KIAA1671: variants seen among roughly 807,000 people sequenced by gnomAD.
The protein encoded by KIAA1671 is uncharacterized protein KIAA1671.
Under a neutral mutation model 131.2 loss-of-function variants are expected in KIAA1671, and 52 were observed. The ratio of observed to expected loss-of-function variants is 0.40; its 90% CI spans 0.32 to 0.50. The LOEUF (loss-of-function observed/expected upper bound fraction) is 0.50, where lower values mean the gene tolerates loss of function less well. KIAA1671 is among the 20% of genes least tolerant of loss of function. KIAA1671 has a pLI of 0.73. For missense variants in KIAA1671, 2,360 were observed against 2,364.2 expected (o/e 1.00, Z 0.04); for synonymous variants, 1,003 against 961.6 (o/e 1.04, Z -0.80).
rs946346452 is a variant in KIAA1671, at chr22:25,020,244, A to G, written c.-207-5389A>G. On this transcript the variant is annotated intron_variant, in intron 1 of 12. Transcript: ENST00000358431. Reference sequence around the variant, plus strand: ...TTTCTCATCTGTTAGAATGGTGGTAATTAATCATTTGAACAGCACAAGTTG... The same window carrying G: ...TTTCTCATCTGTTAGAATGGTGGTAGTTAATCATTTGAACAGCACAAGTTG... Among the ~76,000 whole-genome samples, 12 of 152,236 alleles carry G rather than the reference A, an allele frequency of 7.9e-5. No homozygotes were observed. The East Asian group carries it at 1.5e-3, about 20-fold the overall frequency.
At chr22:25,153,850 C>T (rs1458651225) in intron 6 of KIAA1671, among the ~76,000 whole-genome samples, 3 of 152,250 alleles carry the variant, frequency 2.0e-5, no homozygotes, top group Non-Finnish European at 4.4e-5. Flanking sequence ...GCTGCACAAG[C>T]TTCTAAGTGC....
At chr22:24,976,415 C>T (rs913862311) in intron 1 of KIAA1671, among the ~76,000 whole-genome samples, 7 of 152,224 alleles carry the variant, frequency 4.6e-5, no homozygotes, top group Non-Finnish European at 2.9e-5. Context: ...TTCCCAGTTC[C>T]TGTTTCTTTC....
chr22:25,164,978 C>CGTGTGTGTGTGTGTGTGTGT (rs59765745), intron 6 of KIAA1671, among the ~76,000 whole-genome samples: 3 of 116,584 alleles, frequency 2.6e-5, no homozygotes, highest in East Asian at 2.6e-4. Context: ...GAGTTGCAGG[C>CGTGTGTGTGTGTGTGTGTGT]GTGTGTGTGT....
intron 1 of KIAA1671, among the ~76,000 whole-genome samples, chr22:25,020,951 C>T (rs1925635297): frequency 6.6e-6 from 1 of 152,052 alleles, no homozygotes; most frequent in African/African-American, 2.4e-5. Flanking sequence ...GACACGGGGG[C>T]GTTAAGCAGG....
At chr22:24,989,161 C>T (rs1602048319) in intron 1 of KIAA1671, among the ~76,000 whole-genome samples, 1 of 152,190 alleles carries the variant, frequency 6.6e-6, no homozygotes, top group Admixed American at 6.5e-5. Context: ...GTCTTCCTCT[C>T]ACCCTTGTGT....
intron 1 of KIAA1671, among the ~76,000 whole-genome samples, chr22:24,979,170 A>ATTTTTTTTTTT (rs71191010): frequency 1.2e-5 from 1 of 81,702 alleles, no homozygotes; most frequent in Non-Finnish European, 2.2e-5. Context: ...TAATTTTTGT[A>ATTTTTTTTTTT]TTTTTTTTTT....
intron 1 of KIAA1671, among the ~76,000 whole-genome samples, chr22:24,967,806 C>T (rs1922377463): frequency 6.6e-6 from 1 of 152,196 alleles, no homozygotes; most frequent in African/African-American, 2.4e-5. Context: ...TCCTGGCTAA[C>T]ACGGTGAAAC....
chr22:25,177,454 G>A lies in KIAA1671; in HGVS notation c.5006G>A (p.Ser1669Asn). 1 of 1,551,760 alleles carries A rather than the reference G, an allele frequency of 6.4e-7. No homozygotes were observed. Among genetic ancestry groups the A allele is most frequent in the Admixed American group, 2.0e-5 (1 of 51,006 alleles). Residue 1669 changes from serine (S) to asparagine (N), a missense_variant, in exon 9 of 13, where the codon AGT becomes AAT. By Grantham distance (46) the Ser-to-Asn change is conservative. Around this residue, in one of 3 missense-constraint regions of KIAA1671, gnomAD observed 1,161 missense variants for 1,204.7 expected, o/e 0.96. Coordinates refer to ENST00000358431, the MANE Select transcript of KIAA1671 (RefSeq NM_001145206.2). ...CACTCCCTCCGGCGCAGCCGATTTA[G>A]TGAGTCCGAGAGCAGATCACCTTTG... Reference protein sequence around the residue: ...ISHSLRRSRFSESESRSPLED... With the variant: ...ISHSLRRSRFNESESRSPLED...
At chr22:25,161,412 G>C (rs772673327) in intron 6 of KIAA1671, among the ~76,000 whole-genome samples, 4 of 152,274 alleles carry the variant, frequency 2.6e-5, no homozygotes, top group Non-Finnish European at 4.4e-5. Flanking sequence ...GAGTGGGCCT[G>C]GGCCCGTGGA....
chr22:25,123,246 G>T (rs888320499), intron 6 of KIAA1671, among the ~76,000 whole-genome samples: 6 of 144,800 alleles, frequency 4.1e-5, no homozygotes, highest in Admixed American at 1.4e-4. Context: ...GCCCAGGCTG[G>T]AGTGCAATGA....
intron 5 of KIAA1671, among the ~76,000 whole-genome samples, chr22:25,044,426 G>A (rs1019971105): frequency 2.6e-5 from 4 of 152,172 alleles, no homozygotes; most frequent in African/African-American, 4.8e-5. Context: ...AGGGCCCGCT[G>A]GTGGTGGGGG....
intron 11 of KIAA1671, among the ~76,000 whole-genome samples, chr22:25,189,324 C>T (rs1196603200): frequency 6.6e-6 from 1 of 151,892 alleles, no homozygotes; most frequent in East Asian, 1.9e-4. Context: ...AGGCACCCAC[C>T]ACCACACCCG....
At chr22:25,104,313 CTT>C (rs1930873609) in intron 6 of KIAA1671, among the ~76,000 whole-genome samples, 2 of 152,180 alleles carry the variant, frequency 1.3e-5, no homozygotes. Flanking sequence ...TAGTGTACCT[CTT>C]AGTCTAGGAT....
In KIAA1671 at chr22:25,193,582, C is replaced by T. The variant is rs1363738889; in HGVS notation, c.*1181C>T. ...GCTTTCCTTCTCCCTGGCTACCTCT[C>T]AGGAGTTCATTTGTCTCTCTGTCTC... On this transcript the variant is annotated 3_prime_UTR_variant, in exon 13 of 13. Coordinates refer to ENST00000358431, the MANE Select transcript of KIAA1671 (RefSeq NM_001145206.2). The T allele has an allele frequency of 6.6e-6, 1 of 152,278 alleles. No homozygotes were observed. The highest frequency in any genetic ancestry group is 6.5e-5 in the Admixed American group (1 of 15,280). 9.4% of individuals were successfully genotyped at this position (152,278 alleles called of 1,614,324 possible).
In KIAA1671 at chr22:25,028,353, G is replaced by A; in HGVS notation, c.354G>A (p.Val118=). The A allele has an allele frequency of 1.3e-6, 2 of 1,550,850 alleles. No individual in the cohort carries two copies. The highest frequency in any genetic ancestry group is 1.7e-6 in the Non-Finnish European group (2 of 1,146,974). ...TGCCCGGCTTGGTGGGGCAGGAGGT[G>A]GGCAGTGGGGAGGGCCCGAGGACGA... The part of the protein sequence containing the change: ...NRMPGLVGQE[V]GSGEGPRTSS... Residue 118 remains valine (V), a synonymous_variant, in exon 3 of 13, where the codon GTG becomes GTA. Transcript: ENST00000358431.
At chr22:25,046,992 C>A (rs1293067031) in intron 5 of KIAA1671, among the ~76,000 whole-genome samples, 12 of 147,812 alleles carry the variant, frequency 8.1e-5, no homozygotes, top group African/African-American at 3.0e-4. Context: ...TTTTTTTGAG[C>A]CAGCGTCTCA....
intron 6 of KIAA1671, among the ~76,000 whole-genome samples, chr22:25,093,745 TC>T (rs1568951021): frequency 1.6e-5 from 2 of 121,666 alleles, no homozygotes; most frequent in Non-Finnish European, 3.4e-5. Context: ...ACACTCTCTC[TC>T]TCTCTCTCTC....
At chr22:25,049,683 C>T (rs1478538687) in intron 6 of KIAA1671, 1 of 263,796 alleles carries the variant, frequency 3.8e-6, no homozygotes, top group Non-Finnish European at 7.2e-6. Flanking sequence ...CTCCTGTCAA[C>T]CTCTTTGAGA....
At chr22:25,076,656 T>C (rs557345063) in intron 6 of KIAA1671, among the ~76,000 whole-genome samples, 29 of 152,366 alleles carry the variant, frequency 1.9e-4, no homozygotes, top group South Asian at 1.0e-3. Context: ...CCTTTGTTGC[T>C]GAGATAACCT....
Sources: gnomAD v4.1 joint callset for allele counts (sites outside exome capture counted in the v4.1 genomes callset) on GRCh38, gnomAD v4.1.1 for gene constraint, gnomAD v4.1.1 regional missense constraint, MANE v1.5 for transcripts, NCBI Gene and HGNC (gene_info 2026-07-23, HGNC 2026-07-21) for gene names.